DOCK4: variants seen among roughly 807,000 people sequenced by gnomAD.
DOCK4 encodes dedicator of cytokinesis protein 4.
Under a neutral mutation model 268.1 loss-of-function variants are expected in DOCK4, and 97 were observed. The observed-to-expected ratio is 0.36, with a 90% CI of 0.31 to 0.43. DOCK4 has a LOEUF of 0.43. Ranked by LOEUF, DOCK4 falls within the 20% of genes least tolerant of loss-of-function variation. The pLI, the probability that DOCK4 is intolerant of heterozygous loss-of-function variation, is 1.00. For missense variants in DOCK4, 2,145 were observed against 2,455.7 expected (o/e 0.87, Z 2.67); for synonymous variants, 954 against 887.2 (o/e 1.08, Z -1.34).
At chr7:111,958,629 A>C (rs1010842408) in intron 8 of DOCK4, among the ~76,000 whole-genome samples, 1 of 152,190 alleles carries the variant, frequency 6.6e-6, no homozygotes, top group Non-Finnish European at 1.5e-5. Context: ...CTTAGAGTGA[A>C]AGGGAAAGAG....
intron 1 of DOCK4, among the ~76,000 whole-genome samples, chr7:112,066,710 T>TATATATATAC (rs1182300917): frequency 2.1e-4 from 17 of 82,478 alleles, no homozygotes; most frequent in Non-Finnish European, 3.2e-4. Context: ...TATATATATA[T>TATATATATAC]ATATATATAT....
intron 11 of DOCK4, among the ~76,000 whole-genome samples, chr7:111,936,562 T>A (rs1421608472): frequency 6.6e-6 from 1 of 152,186 alleles, no homozygotes; most frequent in South Asian, 2.1e-4. Flanking sequence ...GCCTGGTAAC[T>A]CATAATGATT....
intron 1 of DOCK4, among the ~76,000 whole-genome samples, chr7:112,059,268 G>A (rs536233596): frequency 3.4e-5 from 5 of 146,884 alleles, no homozygotes; most frequent in African/African-American, 1.3e-4. Flanking sequence ...TCAGCTTCCC[G>A]AGTAGCTGGG....
At chr7:111,961,369 A>G (rs550755347) in intron 8 of DOCK4, among the ~76,000 whole-genome samples, 90 of 152,312 alleles carry the variant, frequency 5.9e-4, no homozygotes, top group Non-Finnish European at 1.0e-3. Context: ...AACCTCTACA[A>G]ACACTCAAAG....
At chr7:111,737,249 T>C (rs1334692213) in intron 49 of DOCK4, among the ~76,000 whole-genome samples, 2 of 152,180 alleles carry the variant, frequency 1.3e-5, no homozygotes, top group African/African-American at 4.8e-5. Context: ...TAATAAAATG[T>C]AAAAAATAAA....
At chr7:111,881,495 C>T (rs1045940131) in intron 16 of DOCK4, among the ~76,000 whole-genome samples, 1 of 152,096 alleles carries the variant, frequency 6.6e-6, no homozygotes, top group Non-Finnish European at 1.5e-5. Context: ...TTAGTATAAC[C>T]ACTATGGAGA....
At chr7:112,033,198 C>T (rs760278486) in intron 1 of DOCK4, among the ~76,000 whole-genome samples, 11 of 151,956 alleles carry the variant, frequency 7.2e-5, no homozygotes, top group Admixed American at 2.6e-4. Context: ...TAAAAATAGG[C>T]CAAGCTTCTT....
chr7:111,909,630 C>T (rs1402728292), intron 13 of DOCK4, among the ~76,000 whole-genome samples: 1 of 152,150 alleles, frequency 6.6e-6, no homozygotes, highest in African/African-American at 2.4e-5. Flanking sequence ...AACTGGTCCC[C>T]AAATCTCAAC....
intron 27 of DOCK4, among the ~76,000 whole-genome samples, chr7:111,815,301 C>G (rs1321005757): frequency 1.3e-5 from 2 of 152,116 alleles, no homozygotes; most frequent in Middle Eastern, 3.2e-3. Flanking sequence ...CAAGGCAGTT[C>G]CCAGAGCTTT....
chr7:111,881,043 G>A (rs943232192), intron 16 of DOCK4, among the ~76,000 whole-genome samples: 3 of 152,050 alleles, frequency 2.0e-5, no homozygotes, highest in Admixed American at 6.6e-5. Flanking sequence ...GCATCCCCAC[G>A]AGCAGAGGCA....
chr7:111,863,850 G>A (rs1805756403), intron 22 of DOCK4, among the ~76,000 whole-genome samples: 1 of 152,178 alleles, frequency 6.6e-6, no homozygotes, highest in South Asian at 2.1e-4. Context: ...TCAGTGAAGT[G>A]CATCAAAACT....
At chr7:111,945,914 A>G in intron 8 of DOCK4, 116 bp from the exon 9 acceptor site, 1 of 715,624 alleles carries the variant, frequency 1.4e-6, no homozygotes, top group East Asian at 2.8e-5. Context: ...TTCATTTAAC[A>G]TCAACATTGC....
chr7:112,203,337 C>G (rs374214797), intron 1 of DOCK4, among the ~76,000 whole-genome samples: 13 of 152,282 alleles, frequency 8.5e-5, no homozygotes, highest in African/African-American at 3.1e-4. Context: ...ACTGACTTTT[C>G]GTTGTTTTAA....
At chr7:111,860,996 A>G (rs1354022345) in intron 23 of DOCK4, among the ~76,000 whole-genome samples, 9 of 152,220 alleles carry the variant, frequency 5.9e-5, no homozygotes, top group Admixed American at 5.9e-4. Flanking sequence ...AACTTAACAA[A>G]GAATTATCTG....
chr7:111,874,214 C>T (rs1024490396), intron 17 of DOCK4, among the ~76,000 whole-genome samples: 12 of 152,148 alleles, frequency 7.9e-5, no homozygotes, highest in Non-Finnish European at 1.6e-4. Context: ...CCACTCCACC[C>T]CCATCCCAGC....
chr7:111,901,932 AT>A, intron 13 of DOCK4, 131 bp from the exon 14 acceptor site: 2 of 675,914 alleles, frequency 3.0e-6, no homozygotes, highest in Non-Finnish European at 4.7e-6. Flanking sequence ...ATATATTTGC[AT>A]TTTTATAAAA....
At chr7:112,041,312 C>T (rs1465236790) in intron 1 of DOCK4, among the ~76,000 whole-genome samples, 1 of 152,112 alleles carries the variant, frequency 6.6e-6, no homozygotes, top group East Asian at 1.9e-4. Flanking sequence ...TGAAGGAATA[C>T]GGGAGAGAAG....
intron 23 of DOCK4, among the ~76,000 whole-genome samples, chr7:111,858,053 T>C (rs567435651): frequency 2.0e-5 from 3 of 152,306 alleles, no homozygotes; most frequent in African/African-American, 7.2e-5. Context: ...GAATTTGACC[T>C]TGGGGGTGTG....
chr7:111,801,451 G>A (rs528864266), intron 30 of DOCK4, among the ~76,000 whole-genome samples: 4 of 152,102 alleles, frequency 2.6e-5, no homozygotes, highest in South Asian at 4.1e-4. Context: ...ATCTAAATTG[G>A]CGCAAGACCA....
Sources: allele counts gnomAD v4.1 joint callset (sites outside exome capture counted in the v4.1 genomes callset), GRCh38; gene constraint gnomAD v4.1.1; transcripts MANE v1.5; gene names NCBI Gene and HGNC (gene_info 2026-07-23, HGNC 2026-07-21).